The following ADAM12 variants were observed in gnomAD, a reference collection of about 807,000 sequenced individuals.
ADAM12 encodes the protein ADAM metallopeptidase domain 12, also known as disintegrin and metalloproteinase domain-containing protein 12.
ADAM12 carries 70 observed loss-of-function variants against 106.4 expected under a neutral mutation model. The ratio of observed to expected loss-of-function variants is 0.66; its 90% CI spans 0.54 to 0.80. The LOEUF (loss-of-function observed/expected upper bound fraction) is 0.80. ADAM12 is among the 30% of genes least tolerant of loss of function. The probability of loss-of-function intolerance (pLI) is 0.00; values close to 1 mark genes in which losing one functional copy is unlikely to be tolerated. For synonymous variants in ADAM12, 420 were observed against 433.5 expected, an observed-to-expected ratio of 0.97 and a Z score of 0.39; for missense variants, 1,010 against 1,171.9, an observed-to-expected ratio of 0.86 and a Z score of 2.02.
At position 126,388,355 on chromosome 10, in the gene ADAM12, CGT is replaced by C. The variant is rs1439149610; in HGVS notation, c.-212_-211del. On this transcript the variant is annotated 5_prime_UTR_variant, in exon 1 of 23. Transcript: ENST00000448723. The surrounding 1 kb of genome is among the most constrained non-coding windows in gnomAD (Gnocchi z 4.4). ...AAGTTTCCCCCCGTGTGTGTGCGTG[CGT>C]GCGCGCGCGCGCGCCGTTCTGGCAC... 5 of 665,876 alleles carry C rather than the reference CGT, an allele frequency of 7.5e-6. No individual in the cohort carries two copies. The highest frequency in any genetic ancestry group is 3.8e-5 in the African/African-American group (2 of 52,086). 41.2% of individuals were successfully genotyped at this position (665,876 alleles called of 1,614,324 possible). A position where few individuals can be genotyped will look rare whatever the true frequency, so the allele number is the denominator to read the frequency against.
chr10:126,321,611 G>A lies in ADAM12; in HGVS notation c.186+8801C>T, dbSNP rs1409686805. Reference sequence around the variant, plus strand: ...AGTGAACAGGAAAGACCCTGGCAGGGAGTTGGGATGCAACAATCACATCTT... The same window carrying A: ...AGTGAACAGGAAAGACCCTGGCAGGAAGTTGGGATGCAACAATCACATCTT... On this transcript the variant is annotated intron_variant, in intron 2 of 22. Transcript: ENST00000448723. 2.0e-5 allele frequency among the ~76,000 whole-genome samples: 3 copies of A among 152,200 alleles called. No individual in the cohort carries two copies. In the East Asian group the frequency reaches 5.8e-4, roughly 30 times the overall value.
At chr10:126,161,566 G>C (rs909641504) in intron 3 of ADAM12, among the ~76,000 whole-genome samples, 1 of 152,230 alleles carries the variant, frequency 6.6e-6, no homozygotes, top group Non-Finnish European at 1.5e-5. Flanking sequence ...TGAATTTGAG[G>C]AGCATGCGGC....
At chr10:126,025,154 G>T (rs1322648666) in intron 21 of ADAM12, among the ~76,000 whole-genome samples, 1 of 152,182 alleles carries the variant, frequency 6.6e-6, no homozygotes, top group East Asian at 1.9e-4. Flanking sequence ...TCCAAATCAT[G>T]GCAACACCTC....
chr10:126,195,533 C>T (rs574905187), intron 3 of ADAM12, among the ~76,000 whole-genome samples: 30 of 152,248 alleles, frequency 2.0e-4, no homozygotes, highest in South Asian at 6.2e-4. Flanking sequence ...CAAATCGCAC[C>T]ATTGCACTCC....
intron 1 of ADAM12, among the ~76,000 whole-genome samples, chr10:126,338,456 T>G (rs924578133): frequency 1.3e-5 from 2 of 151,492 alleles, no homozygotes; most frequent in South Asian, 2.1e-4. Flanking sequence ...GTTTCACCGT[T>G]TTAGCCGGGA....
chr10:126,248,591 C>T (rs958872553), intron 3 of ADAM12, among the ~76,000 whole-genome samples: 1 of 152,144 alleles, frequency 6.6e-6, no homozygotes, highest in African/African-American at 2.4e-5. Context: ...CATTTCAGTA[C>T]TCTTGACAAT....
chr10:126,388,012 G>A lies in ADAM12; in HGVS notation c.88+46C>T. ...GGCGCGCCCAGGCGCAGCGTGCGGT[G>A]CCCTCGGCGGGGCGGGCAGCGAGCC... On this transcript the variant is annotated intron_variant, in intron 1 of 22. Coordinates refer to ENST00000448723, the MANE Select transcript of ADAM12 (RefSeq NM_001288973.2). This position sits in a 1 kb window ranked among gnomAD's most constrained non-coding sequence, Gnocchi z 4.4. The A allele has an allele frequency of 8.4e-7, 1 of 1,195,092 alleles. No individual in the cohort carries two copies. The highest frequency in any genetic ancestry group is 1.0e-6 in the Non-Finnish European group (1 of 964,178). 74.0% of individuals were successfully genotyped at this position (1,195,092 alleles called of 1,614,324 possible). A position where few individuals can be genotyped will look rare whatever the true frequency, so the allele number is the denominator to read the frequency against.
intron 5 of ADAM12, among the ~76,000 whole-genome samples, chr10:126,130,783 G>A (rs1002480989): frequency 2.0e-5 from 3 of 152,222 alleles, no homozygotes; most frequent in Non-Finnish European, 4.4e-5. Context: ...GCAAGGCCAA[G>A]CCCTATGGGA....
intron 4 of ADAM12, among the ~76,000 whole-genome samples, chr10:126,152,588 TA>T (rs758490802): frequency 9.2e-5 from 14 of 151,364 alleles, no homozygotes; most frequent in Admixed American, 3.9e-4. Context: ...GCTTTTTTTT[TA>T]ATTAAGATTT....
chr10:126,096,546 T>C (rs1431835128), intron 10 of ADAM12, among the ~76,000 whole-genome samples: 2 of 152,264 alleles, frequency 1.3e-5, no homozygotes, highest in African/African-American at 4.8e-5. Context: ...TTTATGAGGA[T>C]CTCTGCTTCC....
intron 2 of ADAM12, among the ~76,000 whole-genome samples, chr10:126,304,213 C>A: frequency 6.8e-6 from 1 of 147,998 alleles, no homozygotes; most frequent in South Asian, 2.1e-4. Context: ...ACAATAGAGA[C>A]AAAGAGCTAA....
chr10:126,075,306 G>T (rs1431446067), intron 11 of ADAM12, among the ~76,000 whole-genome samples: 1 of 152,104 alleles, frequency 6.6e-6, no homozygotes, highest in Non-Finnish European at 1.5e-5. Flanking sequence ...ACCCTATTTG[G>T]GCAGTTAGAG....
At chr10:126,329,034 G>A (rs1854410218) in intron 2 of ADAM12, among the ~76,000 whole-genome samples, 2 of 151,878 alleles carry the variant, frequency 1.3e-5, no homozygotes, top group African/African-American at 4.8e-5. Flanking sequence ...ATAGCCCTCA[G>A]CAGCTTGTCC....
rs552337715 is a variant in ADAM12 at position 126,288,212 on chromosome 10, G to C, written c.187-9224C>G. On this transcript the variant is annotated intron_variant, in intron 2 of 22. Coordinates refer to ENST00000448723, the MANE Select transcript of ADAM12 (RefSeq NM_001288973.2). ...GGCTGTACAAGGATCCCTGTACAAGGAGCAGGGAAACCCTGGACTTTGAAA... is the reference window on the plus strand; with the variant it reads ...GGCTGTACAAGGATCCCTGTACAAGCAGCAGGGAAACCCTGGACTTTGAAA... Among the ~76,000 whole-genome samples, 3 of 152,092 alleles carry C rather than the reference G, an allele frequency of 2.0e-5. 1 individual carries two copies. The highest frequency in any genetic ancestry group is 7.3e-5 in the African/African-American group (3 of 41,362).
intron 3 of ADAM12, among the ~76,000 whole-genome samples, chr10:126,240,312 C>T (rs376951193): frequency 5.5e-4 from 84 of 152,376 alleles, no homozygotes; most frequent in African/African-American, 1.9e-3. Flanking sequence ...ACAGGCGATG[C>T]TCTGGGGGGC....
chr10:126,234,379 CTGTT>C (rs1179316721), intron 3 of ADAM12, among the ~76,000 whole-genome samples: 13 of 152,202 alleles, frequency 8.5e-5, no homozygotes, highest in African/African-American at 2.4e-4. Context: ...CAGTTCAGTA[CTGTT>C]TGTTTGTTTG....
At chr10:126,019,656 TTGAG>T in intron 22 of ADAM12, 35 bp downstream of exon 22, 1 of 1,601,718 alleles carries the variant, frequency 6.2e-7, no homozygotes, top group Non-Finnish European at 8.5e-7. Flanking sequence ...CCACAAGAGT[TTGAG>T]AGAGAAAGAG....
intron 3 of ADAM12, among the ~76,000 whole-genome samples, chr10:126,221,373 G>C (rs527595084): frequency 3.1e-4 from 37 of 119,328 alleles, no homozygotes; most frequent in African/African-American, 1.2e-3. Flanking sequence ...CTGGGCAACA[G>C]AGCAAGACTC....
At chr10:126,039,028 C>T (rs538710572) in intron 19 of ADAM12, among the ~76,000 whole-genome samples, 3 of 136,680 alleles carry the variant, frequency 2.2e-5, no homozygotes, top group African/African-American at 8.3e-5. Flanking sequence ...GGAGTGATCG[C>T]AACTCACTGC....
Sources: gnomAD v4.1 joint callset for allele counts (sites outside exome capture counted in the v4.1 genomes callset) on GRCh38, gnomAD v4.1.1 for gene constraint, Gnocchi (gnomAD v3.1) non-coding constraint, MANE v1.5 for transcripts, NCBI Gene and HGNC (gene_info 2026-07-23, HGNC 2026-07-21) for gene names.